DAB1: variants seen among roughly 807,000 people sequenced by gnomAD.
DAB1 encodes disabled homolog 1.
A neutral mutation model predicts 64.6 loss-of-function variants in DAB1; 15 were observed. The ratio of observed to expected loss-of-function variants is 0.23; its 90% CI spans 0.16 to 0.36. The LOEUF (loss-of-function observed/expected upper bound fraction) is 0.36, where lower values mean the gene tolerates loss of function less well. Among genes scored for constraint, DAB1 ranks in the 10% least tolerant of loss-of-function variants. The probability of loss-of-function intolerance (pLI) is 1.00; values close to 1 mark genes in which losing one functional copy is unlikely to be tolerated. For synonymous variants in DAB1, 235 were observed against 251.9 expected, an observed-to-expected ratio of 0.93 and a Z score of 0.64; for missense variants, 596 against 706.7, an observed-to-expected ratio of 0.84 and a Z score of 1.78.
At chr1:57,057,863 C>G (rs1192959392) in intron 9 of DAB1, among the ~76,000 whole-genome samples, 3 of 152,114 alleles carry the variant, frequency 2.0e-5, no homozygotes, top group Non-Finnish European at 4.4e-5. Context: ...CCGCCTTGGC[C>G]TCCCAAAGTG....
intron 6 of DAB1, among the ~76,000 whole-genome samples, chr1:57,695,373 A>AAAGAAAAGAAAG (rs1646823868): frequency 2.6e-4 from 14 of 53,756 alleles, no homozygotes; most frequent in Non-Finnish European, 3.5e-4. Flanking sequence ...AGAAAGAAAG[A>AAAGAAAAGAAAG]AAGAAAGAAA....
intron 7 of DAB1, among the ~76,000 whole-genome samples, chr1:57,493,332 T>C (rs530037739): frequency 5.3e-5 from 8 of 152,182 alleles, no homozygotes; most frequent in East Asian, 1.9e-4. Flanking sequence ...CATTCTACTT[T>C]CTGTCTCTCT....
chr1:58,489,560 T>A (rs906052194), intron 3 of DAB1, among the ~76,000 whole-genome samples: 10 of 152,248 alleles, frequency 6.6e-5, no homozygotes, highest in African/African-American at 2.2e-4. Context: ...TCTGCAGACT[T>A]AAATGTCCCT....
chr1:58,356,218 T>C (rs1644109658), intron 3 of DAB1, among the ~76,000 whole-genome samples: 1 of 152,258 alleles, frequency 6.6e-6, no homozygotes, highest in South Asian at 2.1e-4. Flanking sequence ...TTGCCAACCC[T>C]GGGCAGCCAG....
chr1:57,889,781 T>C (rs532506972), intron 5 of DAB1, among the ~76,000 whole-genome samples: 86 of 151,894 alleles, frequency 5.7e-4, no homozygotes, highest in African/African-American at 1.7e-3. Context: ...GAACTTTATA[T>C]ATTAATGAAG....
chr1:57,461,894 G>A (rs1686792513), intron 7 of DAB1, among the ~76,000 whole-genome samples: 5 of 151,462 alleles, frequency 3.3e-5, no homozygotes, highest in Admixed American at 2.0e-4. Flanking sequence ...CTTTGCTAAG[G>A]GGAGGTGGGA....
chr1:57,368,194 G>A (rs1208757954), intron 1 of DAB1, among the ~76,000 whole-genome samples: 3 of 152,214 alleles, frequency 2.0e-5, no homozygotes, highest in Non-Finnish European at 2.9e-5. Context: ...TAAGAGGGAA[G>A]CCGAAATGGG....
intron 6 of DAB1, among the ~76,000 whole-genome samples, chr1:57,654,027 G>T (rs1646287183): frequency 6.6e-6 from 1 of 152,172 alleles, no homozygotes; most frequent in Admixed American, 6.5e-5. Flanking sequence ...CAATTTGATA[G>T]ATATAAAATA....
intron 6 of DAB1, among the ~76,000 whole-genome samples, chr1:57,755,822 A>G (rs997199808): frequency 6.6e-6 from 1 of 152,146 alleles, no homozygotes. Flanking sequence ...TCTGATCCTT[A>G]ATACTGTCAT....
At chr1:57,984,435 C>G (rs1366267926) in intron 5 of DAB1, among the ~76,000 whole-genome samples, 3 of 151,990 alleles carry the variant, frequency 2.0e-5, no homozygotes, top group African/African-American at 7.2e-5. Context: ...GGCAGGCACT[C>G]TAGGAGGAAG....
intron 7 of DAB1, among the ~76,000 whole-genome samples, chr1:57,575,509 T>C (rs150984654): frequency 3.1e-4 from 47 of 152,290 alleles, no homozygotes; most frequent in South Asian, 8.3e-4. Flanking sequence ...TACTAGAGAA[T>C]TGGAGTCACA....
rs1325505845 is a variant in DAB1 at position 58,334,633 on chromosome 1, TATC to T, written n.309+8716_309+8718del. Among the ~76,000 whole-genome samples, 56 of 109,734 alleles carry T rather than the reference TATC, an allele frequency of 5.1e-4. No homozygotes were observed. The East Asian group carries it at 9.4e-3, about 18-fold the overall frequency. The allele number at this position is 109,734 out of a possible 152,430, so 72.0% of individuals were successfully genotyped here. On this transcript the variant is annotated intron_variant and non_coding_transcript_variant, in intron 4 of 20. Transcript: ENST00000485760. ...TATTATATTATATTATATTATATTA[TATC>T]ATATCATATCATATCATATTATATT...
intron 3 of DAB1, among the ~76,000 whole-genome samples, chr1:58,398,026 C>G (rs768663275): frequency 6.6e-6 from 1 of 152,170 alleles, no homozygotes; most frequent in Non-Finnish European, 1.5e-5. Flanking sequence ...ACTACCATCT[C>G]TCGCCCATAA....
chr1:57,486,034 T>A (rs959988252), intron 7 of DAB1, among the ~76,000 whole-genome samples: 5 of 152,174 alleles, frequency 3.3e-5, no homozygotes, highest in Admixed American at 1.3e-4. Context: ...CCTAATTAAT[T>A]GTACCTTCTC....
At chr1:57,307,148 A>T (rs1207917778) in intron 1 of DAB1, 1 of 152,192 alleles carries the variant, frequency 6.6e-6, no homozygotes, top group Non-Finnish European at 1.5e-5. Flanking sequence ...CCTTTCTAAC[A>T]ACGACTGTCA....
intron 7 of DAB1, among the ~76,000 whole-genome samples, chr1:57,576,112 T>C (rs1164384592): frequency 6.6e-6 from 1 of 152,256 alleles, no homozygotes; most frequent in African/African-American, 2.4e-5. Flanking sequence ...CTTCACATTT[T>C]AGATTTTGAT....
chr1:58,297,981 C>T (rs1662031451), intron 4 of DAB1, among the ~76,000 whole-genome samples: 1 of 152,100 alleles, frequency 6.6e-6, no homozygotes, highest in Non-Finnish European at 1.5e-5. Flanking sequence ...ATTGTCAGAT[C>T]AACCAGATGA....
At chr1:57,097,863 C>T (rs1214039413) in intron 4 of DAB1, among the ~76,000 whole-genome samples, 3 of 151,924 alleles carry the variant, frequency 2.0e-5, no homozygotes, top group East Asian at 1.9e-4. Flanking sequence ...CTGCAAGCTC[C>T]GCCTCCCGGG....
chr1:57,686,964 A>G (rs1646704615), intron 6 of DAB1, among the ~76,000 whole-genome samples: 2 of 152,132 alleles, frequency 1.3e-5, no homozygotes, highest in African/African-American at 4.8e-5. Context: ...AGCTGAAACC[A>G]TTCCCCTTGA....
Sources: gnomAD v4.1 joint callset for allele counts (sites outside exome capture counted in the v4.1 genomes callset) on GRCh38, gnomAD v4.1.1 for gene constraint, MANE v1.5 for transcripts, NCBI Gene and HGNC (gene_info 2026-07-23, HGNC 2026-07-21) for gene names.